Variants in KCNIP1 observed in about 807,000 individuals in gnomAD.
KCNIP1 encodes the protein potassium voltage-gated channel interacting protein 1.
In KCNIP1, 18 loss-of-function variants were observed where a neutral mutation model predicts 33.0. The observed-to-expected ratio is 0.55, with a 90% CI of 0.38 to 0.81. The LOEUF is 0.81. Among genes scored for constraint, KCNIP1 ranks in the 30% least tolerant of loss-of-function variants. The probability of loss-of-function intolerance (pLI) is 0.00; values close to 1 mark genes in which losing one functional copy is unlikely to be tolerated. For synonymous variants in KCNIP1, 93 were observed against 98.3 expected (o/e 0.95, Z 0.32); for missense variants, 238 against 271.6 (o/e 0.88, Z 0.87).
chr5:170,395,272 CT>C (rs1387516388), intron 1 of KCNIP1, among the ~76,000 whole-genome samples: 4 of 152,150 alleles, frequency 2.6e-5, no homozygotes, highest in Non-Finnish European at 5.9e-5. Flanking sequence ...TATTTTTTTA[CT>C]TTTTAGTAAT....
At chr5:170,565,732 T>G (rs1419713385) in intron 1 of KCNIP1, among the ~76,000 whole-genome samples, 3 of 152,220 alleles carry the variant, frequency 2.0e-5, no homozygotes, top group African/African-American at 4.8e-5. Flanking sequence ...ATTTTAATCC[T>G]GCCACTTTCT....
intron 5 of KCNIP1, among the ~76,000 whole-genome samples, chr5:170,732,557 A>G (rs1235701331): frequency 6.6e-6 from 1 of 152,138 alleles, no homozygotes; most frequent in African/African-American, 2.4e-5. Flanking sequence ...AATGCCCATA[A>G]CAAGGTAACC....
chr5:170,489,524 G>T lies in KCNIP1; in HGVS notation c.88+135560G>T, dbSNP rs73803723. ...CATATTGCTAGACCCCCTTCTCTTG[G>T]TCCCCTGCCTCCTCCCACTGGTGTG... On this transcript the variant is annotated intron_variant, in intron 1 of 7. Transcript: ENST00000377360. This position sits in a 1 kb window ranked among gnomAD's most constrained non-coding sequence, Gnocchi z 4.3. 2.7e-3 allele frequency among the ~76,000 whole-genome samples: 412 copies of T among 151,452 alleles called. 1 individual carries two copies. Among genetic ancestry groups the T allele is most frequent in the African/African-American group, 8.5e-3 (353 of 41,492 alleles).
intron 1 of KCNIP1, among the ~76,000 whole-genome samples, chr5:170,714,933 G>T (rs139536602): frequency 6.6e-5 from 10 of 152,148 alleles, no homozygotes; most frequent in African/African-American, 2.4e-4. Flanking sequence ...CATAAAGTAT[G>T]TATAAAGCCT....
At chr5:170,428,054 A>T (rs1457412809) in intron 1 of KCNIP1, among the ~76,000 whole-genome samples, 1 of 152,344 alleles carries the variant, frequency 6.6e-6, no homozygotes. Context: ...ACCATGCTCA[A>T]CTATTCCCTG....
intron 1 of KCNIP1, among the ~76,000 whole-genome samples, chr5:170,690,574 G>C (rs1272758174): frequency 6.6e-6 from 1 of 152,232 alleles, no homozygotes; most frequent in African/African-American, 2.4e-5. Flanking sequence ...TGCTGTTCAT[G>C]GCAAGGGATA....
At chr5:170,460,407 A>G (rs1407267400) in intron 1 of KCNIP1, among the ~76,000 whole-genome samples, 1 of 152,186 alleles carries the variant, frequency 6.6e-6, no homozygotes, top group South Asian at 2.1e-4. Flanking sequence ...ACAGACCAAT[A>G]TCCCTGATGA....
intron 1 of KCNIP1, among the ~76,000 whole-genome samples, chr5:170,707,328 G>T (rs989201959): frequency 1.3e-5 from 2 of 152,160 alleles, no homozygotes; most frequent in East Asian, 3.9e-4. Context: ...TGCTGCAGTG[G>T]TGAGGGCACG....
chr5:170,434,674 G>T (rs766637770), intron 1 of KCNIP1, among the ~76,000 whole-genome samples: 2 of 152,202 alleles, frequency 1.3e-5, no homozygotes, highest in Non-Finnish European at 2.9e-5. Context: ...ACAAGATGGG[G>T]CCTGGTGCGC....
intron 1 of KCNIP1, among the ~76,000 whole-genome samples, chr5:170,429,340 T>C (rs1040263875): frequency 6.6e-6 from 1 of 152,076 alleles, no homozygotes; most frequent in African/African-American, 2.4e-5. Flanking sequence ...CTCACCACAG[T>C]CCTACTTCAG....
intron 1 of KCNIP1, among the ~76,000 whole-genome samples, chr5:170,644,216 C>T (rs546278589): frequency 3.4e-4 from 52 of 152,322 alleles, no homozygotes; most frequent in African/African-American, 1.1e-3. Flanking sequence ...CACACACCTA[C>T]GTGACCTCAG....
intron 1 of KCNIP1, among the ~76,000 whole-genome samples, chr5:170,424,278 T>C (rs188975501): frequency 1.8e-3 from 274 of 152,294 alleles, no homozygotes; most frequent in African/African-American, 6.5e-3. Context: ...ACATGTCCCA[T>C]TGGGCTGGCA....
intron 1 of KCNIP1, among the ~76,000 whole-genome samples, chr5:170,505,800 G>A (rs1314389429): frequency 6.6e-6 from 1 of 152,218 alleles, no homozygotes; most frequent in Non-Finnish European, 1.5e-5. Context: ...GAGCCCCGAG[G>A]AAAGAGATCT....
At chr5:170,419,068 C>T (rs1362790512) in intron 1 of KCNIP1, among the ~76,000 whole-genome samples, 2 of 152,242 alleles carry the variant, frequency 1.3e-5, no homozygotes, top group African/African-American at 4.8e-5. Context: ...GCAAAGTCTA[C>T]GTGGTTAGTG....
intron 5 of KCNIP1, among the ~76,000 whole-genome samples, chr5:170,726,383 T>G (rs192953006): frequency 6.6e-6 from 1 of 152,264 alleles, no homozygotes; most frequent in East Asian, 1.9e-4. Context: ...GAAAGGTTGC[T>G]CTATATCACT....
intron 1 of KCNIP1, chr5:170,678,598 A>G (rs1366301554): frequency 6.6e-6 from 1 of 152,222 alleles, no homozygotes; most frequent in East Asian, 1.9e-4. Context: ...GATTAAGTCT[A>G]ATTCCTGGCA....
At chr5:170,524,767 C>G (rs11744046) in intron 1 of KCNIP1, among the ~76,000 whole-genome samples, 1 of 151,796 alleles carries the variant, frequency 6.6e-6, no homozygotes, top group South Asian at 2.1e-4. Context: ...AGAGGAGGGA[C>G]CTTACCCATG....
chr5:170,418,221 AG>A (rs1335970157), intron 1 of KCNIP1, among the ~76,000 whole-genome samples: 1 of 152,170 alleles, frequency 6.6e-6, no homozygotes, highest in African/African-American at 2.4e-5. Context: ...ACTTGAGGTC[AG>A]GAGTTCAAGA....
chr5:170,570,278 C>T (rs1205736398), intron 1 of KCNIP1, among the ~76,000 whole-genome samples: 1 of 152,182 alleles, frequency 6.6e-6, no homozygotes, highest in Non-Finnish European at 1.5e-5. Flanking sequence ...ATGATAGCTG[C>T]TATAGTCTTC....
Sources: allele counts gnomAD v4.1 joint callset (sites outside exome capture counted in the v4.1 genomes callset), GRCh38; gene constraint gnomAD v4.1.1; non-coding constraint Gnocchi (gnomAD v3.1); transcripts MANE v1.5; gene names NCBI Gene and HGNC (gene_info 2026-07-23, HGNC 2026-07-21).